EGFL6: variants seen among roughly 807,000 people sequenced by gnomAD.
EGFL6 encodes epidermal growth factor-like protein 6.
Under a neutral mutation model 43.1 loss-of-function variants are expected in EGFL6, and 42 were observed. The observed-to-expected ratio is 0.98, with a 90% CI of 0.76 to 1.26. The LOEUF is 1.26. EGFL6 is among the 50% of genes most tolerant of loss of function. EGFL6 has a pLI of 0.00. For missense variants in EGFL6, 429 were observed against 427.8 expected (o/e 1.00, Z -0.02); for synonymous variants, 164 against 163.2 (o/e 1.01, Z -0.04).
At chrX:13,618,872 G>GA (rs1449409360) in intron 8 of EGFL6, among the ~76,000 whole-genome samples, 1 of 87,665 alleles carries the variant, frequency 1.1e-5, no homozygotes, top group African/African-American at 4.7e-5. Context: ...AATAGAGAGT[G>GA]AAAAATCTCA....
intron 4 of EGFL6, 44 bp from the exon 5 acceptor site, chrX:13,603,273 T>TA (rs754452605): frequency 8.8e-7 from 1 of 1,141,229 alleles, no homozygotes; most frequent in Non-Finnish European, 1.2e-6. Context: ...AAGCTCTTTT[T>TA]ATCATCTCAA....
chrX:13,586,974 G>A (rs1333499039), intron 1 of EGFL6, among the ~76,000 whole-genome samples: 2 of 112,188 alleles, frequency 1.8e-5, no homozygotes, highest in Non-Finnish European at 3.8e-5. Flanking sequence ...AGCCAGATAC[G>A]GAAGGCTACA....
intron 10 of EGFL6, among the ~76,000 whole-genome samples, chrX:13,624,609 CA>C (rs991430675): frequency 2.7e-5 from 3 of 111,865 alleles, no homozygotes; most frequent in African/African-American, 9.7e-5. Context: ...ATTTAGAGCA[CA>C]AATTGAATCT....
chrX:13,603,550 A>C, intron 5 of EGFL6, 114 bp downstream of exon 5: 1 of 904,751 alleles, frequency 1.1e-6, no homozygotes. Flanking sequence ...GAAACTTCTA[A>C]AAGTACAGAT....
chrX:13,612,640 C>A (rs1313870896), intron 7 of EGFL6, among the ~76,000 whole-genome samples: 1 of 110,916 alleles, frequency 9.0e-6, no homozygotes, highest in Non-Finnish European at 1.9e-5. Flanking sequence ...AGGCACCCCC[C>A]ACCTCCCAGA....
intron 1 of EGFL6, among the ~76,000 whole-genome samples, chrX:13,577,871 G>A (rs910190715): frequency 8.0e-5 from 9 of 111,955 alleles, no homozygotes; most frequent in Non-Finnish European, 1.7e-4. Context: ...CAACAATAGC[G>A]AGCAAACAGG....
chrX:13,629,089 G>A (rs901962362), intron 11 of EGFL6, among the ~76,000 whole-genome samples: 2 of 112,841 alleles, frequency 1.8e-5, no homozygotes, highest in Non-Finnish European at 3.7e-5. Context: ...ACCAGTTAAT[G>A]AATTTCCTAA....
intron 5 of EGFL6, 138 bp from the exon 6 acceptor site, chrX:13,606,241 G>A: frequency 3.4e-6 from 2 of 586,070 alleles, no homozygotes; most frequent in Middle Eastern, 3.4e-4. Context: ...TAGAACACTT[G>A]CCAGAGGATA....
chrX:13,577,238 A>G (rs1350445327), intron 1 of EGFL6, among the ~76,000 whole-genome samples: 1 of 104,876 alleles, frequency 9.5e-6, no homozygotes, highest in Non-Finnish European at 1.9e-5. Context: ...AGTTAGGTAA[A>G]TTAATAAATG....
chrX:13,581,419 G>T (rs1221671365), intron 1 of EGFL6, among the ~76,000 whole-genome samples: 1 of 111,104 alleles, frequency 9.0e-6, no homozygotes, highest in Non-Finnish European at 1.9e-5. Context: ...CAGTGAACTT[G>T]CCATACTGGG....
chrX:13,603,224 TC>T, intron 4 of EGFL6, 92 bp from the exon 5 acceptor site: 1 of 995,329 alleles, frequency 1.0e-6, no homozygotes, highest in Non-Finnish European at 1.3e-6. Flanking sequence ...TGCAACGTGT[TC>T]CATTCAATGG....
intron 8 of EGFL6, 28 bp downstream of exon 8, chrX:13,618,081 T>A: frequency 8.7e-7 from 1 of 1,143,194 alleles, no homozygotes; most frequent in Non-Finnish European, 1.2e-6. Context: ...TTTATATGTT[T>A]TATGAAAAAT....
intron 9 of EGFL6, among the ~76,000 whole-genome samples, chrX:13,623,219 C>T (rs967149124): frequency 4.6e-5 from 5 of 108,144 alleles, no homozygotes; most frequent in Non-Finnish European, 9.6e-5. Flanking sequence ...TAGAAAGTTC[C>T]GGCAAGGTCT....
intron 1 of EGFL6, among the ~76,000 whole-genome samples, chrX:13,572,557 C>A (rs1420777784): frequency 8.9e-6 from 1 of 112,127 alleles, no homozygotes; most frequent in African/African-American, 3.2e-5. Context: ...ACACTGGGAT[C>A]TTTTTGCCTT....
chrX:13,585,362 C>T (rs2045528311), intron 1 of EGFL6, among the ~76,000 whole-genome samples: 1 of 112,140 alleles, frequency 8.9e-6, no homozygotes, highest in African/African-American at 3.2e-5. Flanking sequence ...TCAAAGGGAA[C>T]ATCTGGGACC....
rs377220683 is a variant in EGFL6 at position 13,606,517 on chromosome X, A to G, written c.655+4A>G. 17 of 1,206,321 alleles carry G rather than the reference A, an allele frequency of 1.4e-5. 1 individual carries two copies. The highest frequency in any genetic ancestry group is 1.9e-5 in the Non-Finnish European group (17 of 892,993). ...AGTGGACGATATGACTGTATAGGTA[A>G]GATTCGATGGCACCTTTTCCTTTTT... On this transcript the variant is annotated splice_donor_region_variant and intron_variant, in intron 6 of 11. Coordinates refer to ENST00000361306, the MANE Select transcript of EGFL6 (RefSeq NM_015507.4).
chrX:13,622,270 G>A (rs2045752825), intron 9 of EGFL6, among the ~76,000 whole-genome samples: 1 of 112,209 alleles, frequency 8.9e-6, no homozygotes, highest in Non-Finnish European at 1.9e-5. Flanking sequence ...CAAGATGGAA[G>A]GTCCTGGATT....
chrX:13,569,681 G>A lies in EGFL6; in HGVS notation c.-181G>A. 4.6e-6 allele frequency: 2 copies of A among 432,633 alleles called. No individual in the cohort carries two copies. The highest frequency in any genetic ancestry group is 3.9e-6 in the Non-Finnish European group (1 of 256,967). 35.7% of individuals were successfully genotyped at this position (432,633 alleles called of 1,213,427 possible). On this transcript the variant is annotated 5_prime_UTR_variant, in exon 1 of 12. Coordinates refer to ENST00000361306, the MANE Select transcript of EGFL6 (RefSeq NM_015507.4). The stretch of plus-strand genomic sequence containing the variant: ...CCCCCAGCCCCTCCCCAGGCCGCGA[G>A]CGCCCCTGCCGCGGTGCCTGGCCTC...
At chrX:13,623,250 G>C (rs1287463910) in intron 9 of EGFL6, among the ~76,000 whole-genome samples, 2 of 108,338 alleles carry the variant, frequency 1.8e-5, no homozygotes, top group Admixed American at 9.9e-5. Flanking sequence ...ATTTGGGTAG[G>C]AGATATTTTA....
Sources: gnomAD v4.1 joint callset for allele counts (sites outside exome capture counted in the v4.1 genomes callset) on GRCh38, gnomAD v4.1.1 for gene constraint, MANE v1.5 for transcripts, NCBI Gene and HGNC (gene_info 2026-07-23, HGNC 2026-07-21) for gene names.